STT3B: variants seen among roughly 807,000 people sequenced by gnomAD.
The protein encoded by STT3B is STT3 oligosaccharyltransferase complex catalytic subunit B, also known as dolichyl-diphosphooligosaccharide--protein glycosyltransferase subunit STT3B.
In STT3B, 29 loss-of-function variants were observed where a neutral mutation model predicts 96.8. That is an observed-to-expected ratio of 0.30 (90% CI 0.22 to 0.41). The LOEUF is 0.41. STT3B is among the 10% of genes least tolerant of loss of function. The probability of loss-of-function intolerance (pLI) is 1.00; values close to 1 mark genes in which losing one functional copy is unlikely to be tolerated. For synonymous variants in STT3B, 367 were observed against 360.0 expected (o/e 1.02, Z -0.22); for missense variants, 640 against 1,022.3 (o/e 0.63, Z 5.10).
In STT3B at chr3:31,532,945, G is replaced by A. The variant is rs1452774155; in HGVS notation, c.-54G>A. 1.3e-6 allele frequency: 2 copies of A among 1,542,730 alleles called. No homozygotes were observed. Among genetic ancestry groups the A allele is most frequent in the Admixed American group, 2.0e-5 (1 of 49,830 alleles). On this transcript the variant is annotated 5_prime_UTR_variant, in exon 1 of 16. Transcript: ENST00000295770. The stretch of plus-strand genomic sequence containing the variant: ...TCCGGGTCCCCGCCCAGCACCCCTC[G>A]CACCAGGCGGCGGCGGCGGAGGAGG...
chr3:31,533,960 A>G (rs1291895646), intron 1 of STT3B, among the ~76,000 whole-genome samples: 1 of 152,150 alleles, frequency 6.6e-6, no homozygotes, highest in African/African-American at 2.4e-5. Flanking sequence ...ATACCCCTGA[A>G]AGTGATCTGA....
intron 13 of STT3B, among the ~76,000 whole-genome samples, chr3:31,626,412 AT>A (rs752084173): frequency 3.9e-4 from 60 of 152,008 alleles, no homozygotes; most frequent in African/African-American, 1.4e-3. Flanking sequence ...CTTTCTTTCC[AT>A]TTCCATTGCT....
chr3:31,591,496 A>G (rs1263464793), intron 3 of STT3B, among the ~76,000 whole-genome samples: 1 of 152,088 alleles, frequency 6.6e-6, no homozygotes, highest in Non-Finnish European at 1.5e-5. Context: ...TAAGTATACC[A>G]TTTTAATTCC....
At chr3:31,581,114 G>A (rs1038021485) in intron 3 of STT3B, among the ~76,000 whole-genome samples, 4 of 152,098 alleles carry the variant, frequency 2.6e-5, no homozygotes, top group African/African-American at 4.8e-5. Flanking sequence ...AATCCTTGAT[G>A]TAAGTTTTTA....
chr3:31,571,665 A>G (rs1209804747), intron 1 of STT3B, among the ~76,000 whole-genome samples: 10 of 152,094 alleles, frequency 6.6e-5, no homozygotes, highest in Non-Finnish European at 1.5e-5. Flanking sequence ...TCATATTTAC[A>G]TGAACAGAGG....
At chr3:31,625,893 A>G in intron 12 of STT3B, 61 bp from the exon 13 acceptor site, 4 of 1,428,538 alleles carry the variant, frequency 2.8e-6, no homozygotes, top group Non-Finnish European at 3.8e-6. Context: ...AAAAATATAC[A>G]TTGATTTTTA....
rs1699761953 is a variant in STT3B, at chr3:31,636,857, A to C, written c.*793A>C. On this transcript the variant is annotated 3_prime_UTR_variant, in exon 16 of 16. Coordinates refer to ENST00000295770, the MANE Select transcript of STT3B (RefSeq NM_178862.3). ...TACCAGGACGGAGTTTTGGTATCTT[A>C]GTACTGAAGTTAGCACTATGTTTAC... 1 of 152,192 alleles carries C rather than the reference A, an allele frequency of 6.6e-6. No individual in the cohort carries two copies. 9.4% of individuals were successfully genotyped at this position (152,192 alleles called of 1,614,324 possible).
At chr3:31,558,985 A>T (rs1697791258) in intron 1 of STT3B, among the ~76,000 whole-genome samples, 1 of 145,558 alleles carries the variant, frequency 6.9e-6, no homozygotes, top group African/African-American at 2.5e-5. Context: ...GATCTTTTGT[A>T]TTTCTGTGGT....
In STT3B at chr3:31,633,036, A is replaced by G. The variant is rs750570375; in HGVS notation, c.2289A>G (p.Glu763=). The change falls in exon 15 of 16, where the codon GAA becomes GAG. Residue 763 remains glutamate (E), a synonymous_variant. Transcript: ENST00000295770. ...ATTTGGAAGAAGCCTTTACATCAGA[A>G]CACTGGCTTGTTAGGATATATAAAG... ...FKHLEEAFTS[E]HWLVRIYKVK... is the part of the protein sequence containing the mutation. 1.9e-6 allele frequency: 3 copies of G among 1,614,146 alleles called. No individual in the cohort carries two copies.
intron 4 of STT3B, 34 bp from the exon 5 acceptor site, chr3:31,600,326 A>T: frequency 2.1e-6 from 2 of 954,128 alleles, no homozygotes; most frequent in Non-Finnish European, 3.2e-6. Context: ...AAAAGTAAAA[A>T]TATATATTTA....
intron 9 of STT3B, chr3:31,620,090 C>G (rs1699391300): frequency 1.6e-6 from 1 of 621,652 alleles, no homozygotes. Flanking sequence ...GCCTGGCCAA[C>G]ATGGTGAAAC....
chr3:31,623,661 T>C lies in STT3B; in HGVS notation c.1540-13T>C. On this transcript the variant is annotated splice_polypyrimidine_tract_variant and intron_variant, in intron 10 of 15. Coordinates refer to ENST00000295770, the MANE Select transcript of STT3B (RefSeq NM_178862.3). ...TAATGAATTTGTCTAACCAATTTTT[T>C]TAATATCTTTAGGCAGGTAAAGTGA... is the stretch of plus-strand genomic sequence containing the variant. 6 of 1,569,352 alleles carry C rather than the reference T, an allele frequency of 3.8e-6. No homozygotes were observed. The highest frequency in any genetic ancestry group is 5.2e-6 in the Non-Finnish European group (6 of 1,154,756).
At chr3:31,627,425 T>C (rs1385917319) in intron 13 of STT3B, among the ~76,000 whole-genome samples, 7 of 152,204 alleles carry the variant, frequency 4.6e-5, no homozygotes, top group Non-Finnish European at 1.0e-4. Context: ...GAAACTGGTC[T>C]CTGGTGCCAA....
At chr3:31,630,576 TGTTATAA>T (rs1449228699) in intron 14 of STT3B, among the ~76,000 whole-genome samples, 1 of 152,242 alleles carries the variant, frequency 6.6e-6, no homozygotes, top group Non-Finnish European at 1.5e-5. Flanking sequence ...ATCTGTCCTT[TGTTATAA>T]GTGTCTGTCC....
rs1191701238 is a variant in STT3B at position 31,626,052 on chromosome 3, C to G, written c.1998C>G (p.Gly666=). The change falls in exon 13 of 16, where the codon GGC becomes GGG. Residue 666 remains glycine, a synonymous_variant. Coordinates refer to ENST00000295770, the MANE Select transcript of STT3B (RefSeq NM_178862.3). ...YVLVIFGGVI[G]YSGDDINKFL... is the part of the protein sequence containing the mutation. The stretch of plus-strand genomic sequence containing the variant: ...TGGTTATTTTTGGAGGGGTTATTGG[C>G]TATTCTGGTGATGATATCAACAAAT... The G allele has an allele frequency of 6.2e-7, 1 of 1,613,656 alleles. No individual in the cohort carries two copies.
At chr3:31,574,487 A>G (rs1690436717) in intron 1 of STT3B, among the ~76,000 whole-genome samples, 1 of 152,126 alleles carries the variant, frequency 6.6e-6, no homozygotes, top group African/African-American at 2.4e-5. Context: ...ATTGTTTTCC[A>G]TCTTTTACTA....
intron 1 of STT3B, among the ~76,000 whole-genome samples, chr3:31,562,896 C>T (rs1173498233): frequency 2.0e-5 from 3 of 152,170 alleles, no homozygotes; most frequent in Non-Finnish European, 4.4e-5. Context: ...TGAGCTGTCT[C>T]TCTGGAGCAG....
intron 5 of STT3B, among the ~76,000 whole-genome samples, chr3:31,614,655 T>C (rs572513908): frequency 1.3e-5 from 2 of 152,086 alleles, no homozygotes; most frequent in South Asian, 2.1e-4. Flanking sequence ...AGGTATGAAC[T>C]ACTTCAGAGC....
At chr3:31,545,869 G>A (rs902156164) in intron 1 of STT3B, among the ~76,000 whole-genome samples, 1 of 149,886 alleles carries the variant, frequency 6.7e-6, no homozygotes, top group Non-Finnish European at 1.5e-5. Flanking sequence ...TTTATGTGTG[G>A]CCTAAGGCAA....
Sources: gnomAD v4.1 joint callset for allele counts (sites outside exome capture counted in the v4.1 genomes callset) on GRCh38, gnomAD v4.1.1 for gene constraint, MANE v1.5 for transcripts, NCBI Gene and HGNC (gene_info 2026-07-23, HGNC 2026-07-21) for gene names.